The following NR2F1-AS1 variants were observed in gnomAD, a reference collection of about 807,000 sequenced individuals.
NR2F1-AS1 encodes NR2F1 regulatory antisense RNA 1.
At chr5:93,412,066 C>T (rs1038582463) in intron 4 of NR2F1-AS1, among the ~76,000 whole-genome samples, 1 of 152,226 alleles carries the variant, frequency 6.6e-6, no homozygotes, top group Admixed American at 6.5e-5. Flanking sequence ...GGAAAGCCCC[C>T]ATGAGGGCAG....
At chr5:93,450,077 C>T (rs989662309) in intron 4 of NR2F1-AS1, among the ~76,000 whole-genome samples, 3 of 152,124 alleles carry the variant, frequency 2.0e-5, no homozygotes, top group African/African-American at 7.2e-5. Context: ...TGTTAAGCAC[C>T]TTCTGAATAT....
intron 2 of NR2F1-AS1, among the ~76,000 whole-genome samples, chr5:93,562,341 G>A (rs1033290825): frequency 5.9e-5 from 9 of 152,176 alleles, no homozygotes; most frequent in African/African-American, 2.2e-4. Flanking sequence ...TCCTAGGCTG[G>A]AGTGCAGTGG....
intron 4 of NR2F1-AS1, chr5:93,432,363 AC>A (rs1409093182): frequency 2.0e-5 from 3 of 152,302 alleles, no homozygotes; most frequent in Non-Finnish European, 4.4e-5. Context: ...CCAAGTACTT[AC>A]CATGATCATT....
intron 4 of NR2F1-AS1, among the ~76,000 whole-genome samples, chr5:93,480,846 A>G (rs1417008186): frequency 6.6e-6 from 1 of 152,060 alleles, no homozygotes; most frequent in African/African-American, 2.4e-5. Context: ...CCCCATGGTA[A>G]CCACTAAGAA....
intron 4 of NR2F1-AS1, among the ~76,000 whole-genome samples, chr5:93,439,363 G>A (rs184722120): frequency 7.2e-5 from 11 of 152,214 alleles, no homozygotes; most frequent in Admixed American, 5.2e-4. Context: ...GCGCGATCTC[G>A]GCTCACTGCA....
At chr5:93,444,309 T>C (rs1216810453) in intron 4 of NR2F1-AS1, among the ~76,000 whole-genome samples, 4 of 152,142 alleles carry the variant, frequency 2.6e-5, no homozygotes, top group African/African-American at 9.7e-5. Flanking sequence ...GAGACTCATC[T>C]CAGGTGCAGA....
chr5:93,498,220 A>G (rs191146865), intron 4 of NR2F1-AS1, among the ~76,000 whole-genome samples: 32 of 151,872 alleles, frequency 2.1e-4, no homozygotes, highest in Non-Finnish European at 3.4e-4. Context: ...CAACCAAAAG[A>G]TAATAATAAT....
intron 4 of NR2F1-AS1, among the ~76,000 whole-genome samples, chr5:93,435,117 T>G (rs981083412): frequency 3.9e-5 from 6 of 152,184 alleles, no homozygotes; most frequent in Non-Finnish European, 8.8e-5. Flanking sequence ...CATTCACTGG[T>G]TTAGCATCCA....
exon 1 of NR2F1-AS1, chr5:93,580,662 C>G (rs2149935797): frequency 6.5e-6 from 1 of 153,374 alleles, no homozygotes; most frequent in Non-Finnish European, 1.5e-5. Flanking sequence ...TCTCCGCCTG[C>G]TGCCTCTGCC....
intron 4 of NR2F1-AS1, among the ~76,000 whole-genome samples, chr5:93,488,847 C>A (rs1300518952): frequency 1.3e-5 from 2 of 152,140 alleles, no homozygotes; most frequent in African/African-American, 4.8e-5. Context: ...TAGAACCAAC[C>A]CAAATGTCCA....
rs1391392076 is a variant in NR2F1-AS1 at position 93,455,744 on chromosome 5, T to TATACAAA, written n.639-60203_639-60202insTTTGTAT. ...CACACACATATACAAACACAAAGGA[T>TATACAAA]CATCTCAAAAGACATAGAAAAAGCA... On this transcript the variant is annotated intron_variant and non_coding_transcript_variant, in intron 4 of 5. Coordinates refer to ENST00000660523, the Ensembl canonical transcript of NR2F1-AS1. 1.6e-4 allele frequency among the ~76,000 whole-genome samples: 24 copies of TATACAAA among 151,774 alleles called. No individual in the cohort carries two copies. In the South Asian group the frequency reaches 5.0e-3, roughly 32 times the overall value.
upstream of NR2F1-AS1, chr5:93,585,076 G>C: frequency 9.7e-7 from 1 of 1,027,714 alleles, no homozygotes; most frequent in Non-Finnish European, 1.2e-6. Context: ...GTGGCCGGGG[G>C]CAACCCCGGC....
chr5:93,452,898 G>A (rs1290345043), intron 4 of NR2F1-AS1, among the ~76,000 whole-genome samples: 4 of 151,878 alleles, frequency 2.6e-5, no homozygotes, highest in East Asian at 1.9e-4. Context: ...AACCCAGTAC[G>A]CAACAACATA....
intron 4 of NR2F1-AS1, among the ~76,000 whole-genome samples, chr5:93,497,756 T>C (rs752148598): frequency 1.3e-5 from 2 of 152,184 alleles, no homozygotes; most frequent in African/African-American, 2.4e-5. Context: ...AGAAAAACGA[T>C]GGCAAATGCC....
intron 2 of NR2F1-AS1, among the ~76,000 whole-genome samples, chr5:93,562,513 C>T (rs887971917): frequency 2.6e-5 from 4 of 152,022 alleles, no homozygotes; most frequent in African/African-American, 4.8e-5. Context: ...AGGCTAGTCT[C>T]GAACTCCTGA....
chr5:93,442,143 G>A (rs1749584551), intron 4 of NR2F1-AS1, among the ~76,000 whole-genome samples: 1 of 152,222 alleles, frequency 6.6e-6, no homozygotes, highest in South Asian at 2.1e-4. Context: ...CAAAAGATGG[G>A]TGACTTCTGC....
Position 93,579,536 on chromosome 5 carries a change from T to C in NR2F1-AS1, n.313+931A>G, listed in dbSNP as rs558745849. On this transcript the variant is annotated intron_variant and non_coding_transcript_variant, in intron 1 of 5. Coordinates refer to ENST00000660523, the Ensembl canonical transcript of NR2F1-AS1. The surrounding 1 kb of genome is among the most constrained non-coding windows in gnomAD (Gnocchi z 5.1). ...ATCCCGTCTCGCCTTGGCCCTCACCTACAGGGCCTGACCCCGGGCCAGCCC... is the reference window on the plus strand; with the variant it reads ...ATCCCGTCTCGCCTTGGCCCTCACCCACAGGGCCTGACCCCGGGCCAGCCC... 2.2e-4 allele frequency among the ~76,000 whole-genome samples: 33 copies of C among 152,180 alleles called. No homozygotes were observed. The highest frequency in any genetic ancestry group is 7.5e-4 in the African/African-American group (31 of 41,542).
intron 4 of NR2F1-AS1, chr5:93,543,118 C>T (rs545318777): frequency 1.3e-5 from 2 of 152,308 alleles, no homozygotes; most frequent in South Asian, 4.1e-4. Context: ...TCCCAAGATC[C>T]TCGGCAAAAG....
At chr5:93,461,191 A>G (rs1750083520) in intron 4 of NR2F1-AS1, among the ~76,000 whole-genome samples, 1 of 152,224 alleles carries the variant, frequency 6.6e-6, no homozygotes, top group Non-Finnish European at 1.5e-5. Flanking sequence ...CAAGACATGG[A>G]TGGAGCTGGA....
Sources: allele counts gnomAD v4.1 joint callset (sites outside exome capture counted in the v4.1 genomes callset), GRCh38; gene constraint gnomAD v4.1.1; non-coding constraint Gnocchi (gnomAD v3.1); transcripts MANE v1.5; gene names NCBI Gene and HGNC (gene_info 2026-07-23, HGNC 2026-07-21).